Variants in MYO9B observed in about 807,000 individuals in gnomAD.
MYO9B encodes the protein myosin IXB.
Under a neutral mutation model 229.5 loss-of-function variants are expected in MYO9B, and 71 were observed. The ratio of observed to expected loss-of-function variants is 0.31; its 90% confidence interval spans 0.26 to 0.38. MYO9B has a LOEUF of 0.38. Among genes scored for constraint, MYO9B ranks in the 10% least tolerant of loss-of-function variants. The pLI is 1.00. For synonymous variants in MYO9B, 1,185 were observed against 1,235.8 expected (o/e 0.96, Z 0.86); for missense variants, 2,255 against 2,920.5 (o/e 0.77, Z 5.25).
At chr19:17,144,956 C>T (rs938634558) in intron 2 of MYO9B, among the ~76,000 whole-genome samples, 6 of 131,780 alleles carry the variant, frequency 4.6e-5, no homozygotes, top group African/African-American at 1.1e-4. Context: ...GGCAACAGAG[C>T]GAGACTTCAT....
rs2073036906 is a variant in MYO9B, at chr19:17,195,857, T to C, written c.4046+384T>C. Among the ~76,000 whole-genome samples, 1 of 151,912 alleles carries C rather than the reference T, an allele frequency of 6.6e-6. No homozygotes were observed. The highest frequency in any genetic ancestry group is 2.4e-5 in the African/African-American group (1 of 41,334). On this transcript the variant is annotated intron_variant, in intron 22 of 39. Transcript: ENST00000682292. The surrounding 1 kb of genome is among the most constrained non-coding windows in gnomAD (Gnocchi z 4.5). ...GCAGGGGCTTGCTCTGCCTGAGCCT[T>C]AGTAAGCCAAGTGTCAGTGACTTGG...
chr19:17,132,600 CT>C (rs2072214876), intron 2 of MYO9B, among the ~76,000 whole-genome samples: 1 of 145,454 alleles, frequency 6.9e-6, no homozygotes, highest in East Asian at 2.0e-4. Context: ...GCAATCTCGG[CT>C]CACTGCAAGC....
intron 2 of MYO9B, chr19:17,103,716 T>A (rs1020071458): frequency 2.0e-5 from 3 of 151,890 alleles, no homozygotes; most frequent in Admixed American, 6.6e-5. Context: ...GGAAGGGCCG[T>A]CTCCCTGGGG....
chr19:17,154,246 A>T, intron 5 of MYO9B, 69 bp from the exon 6 acceptor site: 1 of 1,497,572 alleles, frequency 6.7e-7, no homozygotes, highest in South Asian at 1.2e-5. Context: ...AGCTCCAGCC[A>T]AAATCACTCT....
rs1354488437 is a variant in MYO9B, at chr19:17,205,324, C to G, written c.5052C>G (p.Thr1684=). Residue 1684 remains threonine (T), a synonymous_variant, in exon 31 of 40, where the codon ACC becomes ACG. Transcript: ENST00000682292. Reference sequence around the variant, plus strand: ...AGATTCAGAGCCACTGCTCCTACACCTACGGGAGGAAGGTGAGTGTACGAG... The same window carrying G: ...AGATTCAGAGCCACTGCTCCTACACGTACGGGAGGAAGGTGAGTGTACGAG... ...VHKIQSHCSY[T]YGRKGEPGVE... is the part of the protein sequence containing the mutation. 6.2e-7 allele frequency: 1 copy of G among 1,613,734 alleles called. No individual in the cohort carries two copies. Among genetic ancestry groups the G allele is most frequent in the East Asian group, 2.2e-5 (1 of 44,884 alleles).
At chr19:17,197,203 G>C (rs572986908) in intron 22 of MYO9B, among the ~76,000 whole-genome samples, 41 of 150,974 alleles carry the variant, frequency 2.7e-4, no homozygotes, top group African/African-American at 1.0e-3. Context: ...CTTGAACCTG[G>C]GAGGCAGAGG....
intron 28 of MYO9B, 88 bp from the exon 29 acceptor site, chr19:17,202,754 C>A: frequency 2.2e-6 from 3 of 1,350,522 alleles, no homozygotes; most frequent in Non-Finnish European, 3.1e-6. Context: ...TTCAGGGTAC[C>A]CACACGCCTG....
chr19:17,109,405 G>A (rs1049753066), intron 2 of MYO9B, among the ~76,000 whole-genome samples: 1 of 152,056 alleles, frequency 6.6e-6, no homozygotes, highest in Non-Finnish European at 1.5e-5. Context: ...AGGCCCACTG[G>A]GTATCAGGGT....
chr19:17,087,616 T>C (rs936709092), intron 1 of MYO9B, among the ~76,000 whole-genome samples: 2 of 152,038 alleles, frequency 1.3e-5, no homozygotes, highest in Non-Finnish European at 2.9e-5. Flanking sequence ...CCTGGGTGGC[T>C]GAGGAGGCCA....
In MYO9B at chr19:17,200,642, C is replaced by T; in HGVS notation, c.4376C>T (p.Pro1459Leu). Residue 1459 changes from proline (P) to leucine (L), a missense_variant, in exon 26 of 40, where the codon CCC becomes CTC. Around this residue, in one of 7 missense-constraint regions of MYO9B, gnomAD observed 679 missense variants for 770.2 expected, o/e 0.88. Coordinates refer to ENST00000682292, the MANE Select transcript of MYO9B (RefSeq NM_004145.4). ...GCTGCTTCCTGTCCCCCCTCAGCCC[C>T]CTCCGGACAGCAGCATCGCCACGCT... ...ATTMKKGLEA[P>L]SGQQHRHAAG... is the part of the protein sequence containing the mutation. The T allele has an allele frequency of 6.2e-7, 1 of 1,612,276 alleles. No individual in the cohort carries two copies. Among genetic ancestry groups the T allele is most frequent in the Non-Finnish European group, 8.5e-7 (1 of 1,179,076 alleles).
chr19:17,185,570 CA>C (rs375097172), intron 17 of MYO9B, among the ~76,000 whole-genome samples: 2 of 149,178 alleles, frequency 1.3e-5, no homozygotes, highest in African/African-American at 2.5e-5. Flanking sequence ...CAAAACAAAA[CA>C]AAAAAAACAC....
intron 1 of MYO9B, among the ~76,000 whole-genome samples, chr19:17,097,314 C>G (rs1357873154): frequency 6.7e-6 from 1 of 148,508 alleles, no homozygotes; most frequent in African/African-American, 2.5e-5. Context: ...AAGCGAGACT[C>G]CATTTCAAAA....
At position 17,121,444 on chromosome 19, in the gene MYO9B, A is replaced by AATATATATATATATATATATATATATAT. The variant is rs59741893; in HGVS notation, c.840+18907_840+18908insATATATATATATATATATATATATATAT. ...ACACTTACAGCAGATATGTATTCCA[A>AATATATATATATATATATATATATATAT]ATATATATATATATATATATCCAAG... is the stretch of plus-strand genomic sequence containing the variant. On this transcript the variant is annotated intron_variant, in intron 2 of 39. Coordinates refer to ENST00000682292, the MANE Select transcript of MYO9B (RefSeq NM_004145.4). Among the ~76,000 whole-genome samples, 291 of 142,436 alleles carry AATATATATATATATATATATATATATAT rather than the reference A, an allele frequency of 2.0e-3. 3 individuals are homozygous for AATATATATATATATATATATATATATAT. The highest frequency in any genetic ancestry group is 3.7e-3 in the Middle Eastern group (1 of 270). 93.4% of individuals were successfully genotyped at this position (142,436 alleles called of 152,430 possible). A position where few individuals can be genotyped will look rare whatever the true frequency, so the allele number is the denominator to read the frequency against.
At chr19:17,096,556 C>T (rs950079594) in intron 1 of MYO9B, among the ~76,000 whole-genome samples, 1 of 151,680 alleles carries the variant, frequency 6.6e-6, no homozygotes, top group African/African-American at 2.4e-5. Flanking sequence ...CCCAGGAGGT[C>T]GAGGCTGCAG....
chr19:17,203,306 AC>A, intron 30 of MYO9B, 48 bp downstream of exon 30: 1 of 1,403,728 alleles, frequency 7.1e-7, no homozygotes, highest in Non-Finnish European at 9.8e-7. Flanking sequence ...GTCCCCCACC[AC>A]CCCTCACTGC....
intron 2 of MYO9B, among the ~76,000 whole-genome samples, chr19:17,126,198 T>A (rs2058016862): frequency 6.6e-6 from 1 of 152,172 alleles, no homozygotes; most frequent in Non-Finnish European, 1.5e-5. Context: ...CCTGCTGGCC[T>A]CCGCCCCCTC....
In MYO9B at chr19:17,184,901, A is replaced by G; in HGVS notation, c.2410A>G (p.Ser804Gly). ...LDSKSLKLIISMTLHDRTTKS... is the reference protein window; with the variant it reads ...LDSKSLKLIIGMTLHDRTTKS... ...CTCCAAGTCCCTGAAACTCATCATC[A>G]GCATGACTCTGCACGACCGCACCAC... Residue 804 changes from serine to glycine, a missense_variant, in exon 17 of 40, where the codon AGC becomes GGC. Transcript: ENST00000682292. 1 of 1,613,922 alleles carries G rather than the reference A, an allele frequency of 6.2e-7. No individual in the cohort carries two copies. Among genetic ancestry groups the G allele is most frequent in the Non-Finnish European group, 8.5e-7 (1 of 1,179,854 alleles).
At chr19:17,182,950 C>A (rs1599401478) in intron 15 of MYO9B, among the ~76,000 whole-genome samples, 1 of 152,002 alleles carries the variant, frequency 6.6e-6, no homozygotes, top group East Asian at 1.9e-4. Flanking sequence ...GAGACAGAGT[C>A]TCTCTCTGTC....
intron 2 of MYO9B, among the ~76,000 whole-genome samples, chr19:17,141,135 C>T (rs1400499697): frequency 2.0e-5 from 3 of 151,268 alleles, no homozygotes; most frequent in African/African-American, 7.3e-5. Flanking sequence ...GTGAGGGACA[C>T]AGACATGAAG....
Sources: allele counts gnomAD v4.1 joint callset (sites outside exome capture counted in the v4.1 genomes callset), GRCh38; gene constraint gnomAD v4.1.1; regional missense constraint gnomAD v4.1.1; non-coding constraint Gnocchi (gnomAD v3.1); transcripts MANE v1.5; gene names NCBI Gene and HGNC (gene_info 2026-07-23, HGNC 2026-07-21).